MPPE1: variants seen among roughly 807,000 people sequenced by gnomAD.
MPPE1 encodes metallophosphoesterase 1, also known as metallo phosphoesterase.
Under a neutral mutation model 43.8 loss-of-function variants are expected in MPPE1, and 28 were observed. The observed-to-expected ratio is 0.64, with a 90% confidence interval of 0.47 to 0.88. The LOEUF is 0.88. Among genes scored for constraint, MPPE1 ranks in the 40% least tolerant of loss-of-function variants. The pLI, the probability that MPPE1 is intolerant of heterozygous loss-of-function variation, is 0.00. For missense variants in MPPE1, 428 were observed against 492.2 expected (o/e 0.87, Z 1.23); for synonymous variants, 159 against 188.5 (o/e 0.84, Z 1.28).
At position 11,883,593 on chromosome 18, in the gene MPPE1, T is replaced by C. The variant is rs967723017; in HGVS notation, c.*852A>G. ...TAACAGATGTAGCAACGTGGTCTCC[T>C]ATAGAGAAAATTACACTTATCTAAA... is the stretch of plus-strand genomic sequence containing the variant. On this transcript the variant is annotated 3_prime_UTR_variant, in exon 11 of 11. Coordinates refer to ENST00000588072, the MANE Select transcript of MPPE1 (RefSeq NM_023075.6). 2 of 153,606 alleles carry C rather than the reference T, an allele frequency of 1.3e-5. No homozygotes were observed. Among genetic ancestry groups the C allele is most frequent in the Non-Finnish European group, 2.9e-5 (2 of 68,050 alleles). 9.5% of individuals were successfully genotyped at this position (153,606 alleles called of 1,614,324 possible). A position where few individuals can be genotyped will look rare whatever the true frequency, so the allele number is the denominator to read the frequency against.
At chr18:11,907,233 T>C (rs1297506614) in intron 1 of MPPE1, among the ~76,000 whole-genome samples, 1 of 152,206 alleles carries the variant, frequency 6.6e-6, no homozygotes, top group African/African-American at 2.4e-5. Context: ...TTCCTTTCCA[T>C]TGATAATAAA....
intron 1 of MPPE1, among the ~76,000 whole-genome samples, chr18:11,906,692 C>T (rs1466943665): frequency 6.6e-6 from 1 of 151,800 alleles, no homozygotes; most frequent in Non-Finnish European, 1.5e-5. Context: ...CCCGTCTCTA[C>T]TAAAAATACA....
intron 2 of MPPE1, among the ~76,000 whole-genome samples, chr18:11,904,181 CAGAAGGGGA>C (rs1567978452): frequency 3.8e-5 from 4 of 104,660 alleles, no homozygotes; most frequent in Non-Finnish European, 8.5e-5. Context: ...GAGAGAAGAG[CAGAAGGGGA>C]TGGGGGAGCA....
intron 3 of MPPE1, among the ~76,000 whole-genome samples, chr18:11,894,837 G>A (rs2849406): frequency 0.019 from 2,917 of 152,148 alleles, 99 homozygotes; most frequent in African/African-American, 0.067. Flanking sequence ...TGATCCACCC[G>A]CCTCAGCCTC....
chr18:11,889,372 T>C lies in MPPE1; in HGVS notation c.494+15A>G. The C allele has an allele frequency of 6.4e-7, 1 of 1,551,488 alleles. No individual in the cohort carries two copies. Among genetic ancestry groups the C allele is most frequent in the Non-Finnish European group, 8.9e-7 (1 of 1,128,146 alleles). The stretch of plus-strand genomic sequence containing the variant: ...CAAGAGCTCTCAGGGTGCAGGGCTT[T>C]TGTGAACTACTTACTCATAATGGAA... On this transcript the variant is annotated intron_variant, in intron 5 of 10. Coordinates refer to ENST00000588072, the MANE Select transcript of MPPE1 (RefSeq NM_023075.6).
intron 2 of MPPE1, among the ~76,000 whole-genome samples, chr18:11,900,849 G>C (rs2039109554): frequency 6.6e-6 from 1 of 150,798 alleles, no homozygotes; most frequent in Non-Finnish European, 1.5e-5. Context: ...AAAGCCTGCA[G>C]TGAGCCGAGA....
intron 3 of MPPE1, chr18:11,895,184 C>A (rs1049810667): frequency 6.6e-6 from 1 of 152,262 alleles, no homozygotes; most frequent in Non-Finnish European, 1.5e-5. Flanking sequence ...GTGACTCACA[C>A]CTGTAATTTC....
Position 11,886,154 on chromosome 18 carries a change from GCA to G in MPPE1, c.868-340_868-339del. 1 of 240,570 alleles carries G rather than the reference GCA, an allele frequency of 4.2e-6. No individual in the cohort carries two copies. Among genetic ancestry groups the G allele is most frequent in the Non-Finnish European group, 8.1e-6 (1 of 123,964 alleles). The allele number at this position is 240,570 out of a possible 1,614,324, so 14.9% of individuals were successfully genotyped here. A position where few individuals can be genotyped will look rare whatever the true frequency, so the allele number is the denominator to read the frequency against. On this transcript the variant is annotated intron_variant, in intron 9 of 10. Transcript: ENST00000588072. This position sits in a 1 kb window ranked among gnomAD's most constrained non-coding sequence, Gnocchi z 4.1. ...ATTATATAAATCTATATAAGAAAAT[GCA>G]TTTTAATTTTAATTAAGTCCCTAAA...
At chr18:11,890,866 T>C (rs1349823334) in intron 4 of MPPE1, among the ~76,000 whole-genome samples, 1 of 152,150 alleles carries the variant, frequency 6.6e-6, no homozygotes, top group Non-Finnish European at 1.5e-5. Context: ...GCTACAACTG[T>C]GGAAACCAGA....
intron 2 of MPPE1, among the ~76,000 whole-genome samples, chr18:11,903,481 G>T (rs951834584): frequency 1.3e-5 from 2 of 152,124 alleles, no homozygotes; most frequent in Non-Finnish European, 1.5e-5. Context: ...GCCAGAAGTG[G>T]GTCAGCCTAT....
Position 11,897,260 on chromosome 18 carries a change from G to A in MPPE1, c.5C>T (p.Ala2Val), listed in dbSNP as rs575735209. The change falls in exon 3 of 11, where the codon GCG becomes GTG. Residue 2 changes from alanine (A) to valine (V), a missense_variant. By Grantham distance (64) the Ala-to-Val change is moderately conservative. Transcript: ENST00000588072. M[A>V]MIELGFGRQN... is the part of the protein sequence containing the mutation. ...TCTTCCAAACCCCAATTCGATCATC[G>A]CCATTTCTCAAGCAACAACAAATCC... The A allele has an allele frequency of 4.3e-5, 49 of 1,133,060 alleles. No individual in the cohort carries two copies. The highest frequency in any genetic ancestry group is 5.6e-5 in the Non-Finnish European group (44 of 789,562). The allele number at this position is 1,133,060 out of a possible 1,614,324, so 70.2% of individuals were successfully genotyped here.
At chr18:11,900,274 G>T (rs557823124) in intron 2 of MPPE1, among the ~76,000 whole-genome samples, 1 of 152,294 alleles carries the variant, frequency 6.6e-6, no homozygotes, top group Admixed American at 6.5e-5. Context: ...TTGAACCTGG[G>T]AGGCGGAGGT....
intron 2 of MPPE1, among the ~76,000 whole-genome samples, chr18:11,904,611 G>A (rs912968002): frequency 6.6e-6 from 1 of 152,126 alleles, no homozygotes; most frequent in East Asian, 1.9e-4. Flanking sequence ...GAGCCACTGC[G>A]CCCAGCCCAA....
intron 6 of MPPE1, among the ~76,000 whole-genome samples, chr18:11,887,535 G>C (rs1240907950): frequency 1.3e-5 from 2 of 152,214 alleles, no homozygotes; most frequent in Non-Finnish European, 2.9e-5. Flanking sequence ...CAGCAAGTAA[G>C]GCAGAGGGTA....
At position 11,907,562 on chromosome 18, in the gene MPPE1, C is replaced by A. The variant is rs1370753059; in HGVS notation, c.-200+639G>T. On this transcript the variant is annotated intron_variant, in intron 1 of 10. Transcript: ENST00000588072. ...TTGTCAACCGCAGGCTGCGTCACAG[C>A]TCGCTGCAGCCCCAAACTCCTGCGC... is the stretch of plus-strand genomic sequence containing the variant. Among the ~76,000 whole-genome samples, 8 of 152,124 alleles carry A rather than the reference C, an allele frequency of 5.3e-5. No individual in the cohort carries two copies. In the East Asian group the frequency reaches 1.5e-3, roughly 29 times the overall value.
intron 3 of MPPE1, among the ~76,000 whole-genome samples, chr18:11,893,991 CT>C (rs2144448276): frequency 6.6e-6 from 1 of 152,306 alleles, no homozygotes; most frequent in East Asian, 1.9e-4. Flanking sequence ...GGGACTTCAA[CT>C]TCCTTCTTTG....
intron 3 of MPPE1, among the ~76,000 whole-genome samples, chr18:11,894,117 G>T (rs1454138759): frequency 6.6e-6 from 1 of 152,130 alleles, no homozygotes; most frequent in Non-Finnish European, 1.5e-5. Flanking sequence ...TCCTCCCAGA[G>T]GTAAGACAAG....
At chr18:11,902,479 T>A (rs2039307448) in intron 2 of MPPE1, 1 of 152,284 alleles carries the variant, frequency 6.6e-6, no homozygotes, top group East Asian at 1.9e-4. Flanking sequence ...AGGCCTAGAA[T>A]CTCCTAAAAT....
At chr18:11,890,724 G>C (rs2037902369) in intron 4 of MPPE1, among the ~76,000 whole-genome samples, 1 of 152,178 alleles carries the variant, frequency 6.6e-6, no homozygotes, top group Admixed American at 6.5e-5. Context: ...ACCATTCATA[G>C]ACCCTGGTGG....
Sources: gnomAD v4.1 joint callset for allele counts (sites outside exome capture counted in the v4.1 genomes callset) on GRCh38, gnomAD v4.1.1 for gene constraint, Gnocchi (gnomAD v3.1) non-coding constraint, MANE v1.5 for transcripts, NCBI Gene and HGNC (gene_info 2026-07-23, HGNC 2026-07-21) for gene names.